Variants in TBC1D19 observed in about 807,000 individuals in gnomAD.
TBC1D19 encodes TBC1 domain family, member 19.
TBC1D19 carries 60 observed loss-of-function variants against 89.0 expected under a neutral mutation model. The observed-to-expected ratio is 0.67, with a 90% CI of 0.55 to 0.84. TBC1D19 has a LOEUF of 0.84. TBC1D19 is among the 40% of genes least tolerant of loss of function. TBC1D19 has a pLI of 0.00. For missense variants in TBC1D19, 500 were observed against 610.8 expected (o/e 0.82, Z 1.91); for synonymous variants, 189 against 199.7 (o/e 0.95, Z 0.45).
chr4:26,637,256 A>G lies in TBC1D19; in HGVS notation c.340A>G (p.Thr114Ala). The G allele has an allele frequency of 6.2e-7, 1 of 1,611,520 alleles. No individual in the cohort carries two copies. ...TTTGAAGAGTTTAAATAGTATGTGC[A>G]CTGAACTGAGTATCCCACTGGCACG... The part of the protein sequence containing the change: ...RILKSLNSMC[T>A]ELSIPLARKR... Residue 114 changes from threonine to alanine, a missense_variant, in exon 5 of 21, where the codon ACT (threonine) becomes GCT (alanine). Transcript: ENST00000264866.
chr4:26,830,047 C>T, the TBC1D19 span, among the ~76,000 whole-genome samples: 2 of 152,056 alleles, frequency 1.3e-5, no homozygotes, highest in Non-Finnish European at 2.9e-5. Flanking sequence ...GTGATTTGTC[C>T]ATTCCATCGG....
chr4:26,673,720 AGT>A, intron 10 of TBC1D19, 54 bp from the exon 11 acceptor site: 1 of 1,084,198 alleles, frequency 9.2e-7, no homozygotes, highest in Non-Finnish European at 1.4e-6. Flanking sequence ...TGAAGATTTC[AGT>A]GATGTTTCTT....
At chr4:26,714,242 A>G (rs1260444383) in intron 13 of TBC1D19, among the ~76,000 whole-genome samples, 2 of 151,902 alleles carry the variant, frequency 1.3e-5, no homozygotes, top group African/African-American at 2.4e-5. Context: ...GATCTCTTTA[A>G]TGCATTGTTT....
intron 15 of TBC1D19, among the ~76,000 whole-genome samples, chr4:26,731,808 C>A (rs1404656548): frequency 6.6e-6 from 1 of 151,914 alleles, no homozygotes. Context: ...TTAAGTACAG[C>A]ATACAAAGAA....
intron 11 of TBC1D19, among the ~76,000 whole-genome samples, chr4:26,682,402 GAC>G (rs1320713037): frequency 6.6e-6 from 1 of 152,168 alleles, no homozygotes; most frequent in Non-Finnish European, 1.5e-5. Context: ...AGAGCACTTT[GAC>G]TCAAGCCAAA....
At chr4:26,784,534 G>C in the TBC1D19 span, among the ~76,000 whole-genome samples, 1 of 152,224 alleles carries the variant, frequency 6.6e-6, no homozygotes, top group Non-Finnish European at 1.5e-5. Context: ...CAGGCTACCA[G>C]TGTATGCTGG....
chr4:26,701,054 T>G (rs1339415576), intron 13 of TBC1D19, among the ~76,000 whole-genome samples: 1 of 152,212 alleles, frequency 6.6e-6, no homozygotes, highest in Non-Finnish European at 1.5e-5. Context: ...CCAGCCACCC[T>G]GATCTTTAAC....
the TBC1D19 span, among the ~76,000 whole-genome samples, chr4:26,828,119 C>G: frequency 6.6e-6 from 1 of 152,174 alleles, no homozygotes; most frequent in Non-Finnish European, 1.5e-5. Flanking sequence ...ATGAAGTGCT[C>G]TGAGCCTTGA....
chr4:26,584,092 A>C lies in TBC1D19; in HGVS notation c.-102A>C. On this transcript the variant is annotated 5_prime_UTR_variant, in exon 1 of 21. Coordinates refer to ENST00000264866, the MANE Select transcript of TBC1D19 (RefSeq NM_018317.4). ...CCCGCTGGAGGAGTCCCAGTGTAAT[A>C]AGGTCCCGGAGAAGTGTCACTGGCC... 1 of 1,161,784 alleles carries C rather than the reference A, an allele frequency of 8.6e-7. No individual in the cohort carries two copies. Among genetic ancestry groups the C allele is most frequent in the South Asian group, 1.4e-5 (1 of 73,324 alleles). 72.0% of individuals were successfully genotyped at this position (1,161,784 alleles called of 1,614,324 possible).
chr4:26,779,576 G>C, the TBC1D19 span, among the ~76,000 whole-genome samples: 1 of 152,132 alleles, frequency 6.6e-6, no homozygotes, highest in Non-Finnish European at 1.5e-5. Context: ...GCAGCAACTG[G>C]GGCACTTGCT....
At chr4:26,577,695 C>T (rs973591878) in intron 1 of TBC1D19, among the ~76,000 whole-genome samples, 1 of 152,122 alleles carries the variant, frequency 6.6e-6, no homozygotes, top group Non-Finnish European at 1.5e-5. Flanking sequence ...GAAGACACAA[C>T]AGGGCATGTT....
chr4:26,592,971 A>C (rs1739922930), intron 1 of TBC1D19, among the ~76,000 whole-genome samples: 1 of 151,812 alleles, frequency 6.6e-6, no homozygotes, highest in Non-Finnish European at 1.5e-5. Context: ...CTTTCTTCAC[A>C]GAATTGGAAA....
At chr4:26,639,836 A>G (rs1743377303) in intron 6 of TBC1D19, among the ~76,000 whole-genome samples, 1 of 152,216 alleles carries the variant, frequency 6.6e-6, no homozygotes, top group Admixed American at 6.5e-5. Flanking sequence ...TTTTAAGTAC[A>G]TTGAGAATTC....
At chr4:26,673,442 T>TACACACACACACAC (rs1167477111) in intron 10 of TBC1D19, among the ~76,000 whole-genome samples, 580 of 14,628 alleles carry the variant, frequency 0.04, 5 homozygotes, top group Middle Eastern at 0.071. Flanking sequence ...TATATATATA[T>TACACACACACACAC]ATATACACAC....
the TBC1D19 span, among the ~76,000 whole-genome samples, chr4:26,778,659 T>C: frequency 3.3e-5 from 5 of 152,288 alleles, no homozygotes; most frequent in East Asian, 9.6e-4. Flanking sequence ...GTCACTCTCA[T>C]ATGCCTTACA....
At chr4:26,777,501 T>C in the TBC1D19 span, among the ~76,000 whole-genome samples, 2 of 150,662 alleles carry the variant, frequency 1.3e-5, no homozygotes, top group Non-Finnish European at 3.0e-5. Context: ...TGCAGTGGCA[T>C]AATCTTGGCT....
chr4:26,661,481 G>GCTTC (rs1227688381), intron 8 of TBC1D19, among the ~76,000 whole-genome samples: 1 of 152,106 alleles, frequency 6.6e-6, no homozygotes, highest in African/African-American at 2.4e-5. Context: ...TGCCGACAGA[G>GCTTC]CTTCCAGTCA....
At chr4:26,724,397 C>T (rs1717170322) in intron 15 of TBC1D19, among the ~76,000 whole-genome samples, 2 of 152,096 alleles carry the variant, frequency 1.3e-5, no homozygotes, top group South Asian at 2.1e-4. Flanking sequence ...TGTGGTATCA[C>T]TGGAAATGGG....
chr4:26,732,385 A>G (rs1421887839), intron 15 of TBC1D19, among the ~76,000 whole-genome samples: 1 of 152,038 alleles, frequency 6.6e-6, no homozygotes, highest in African/African-American at 2.4e-5. Flanking sequence ...CCTTCCCTCC[A>G]TTATTTTTCT....
Sources: gnomAD v4.1 joint callset for allele counts (sites outside exome capture counted in the v4.1 genomes callset) on GRCh38, gnomAD v4.1.1 for gene constraint, MANE v1.5 for transcripts, NCBI Gene and HGNC (gene_info 2026-07-23, HGNC 2026-07-21) for gene names.